ITGAL: variants seen among roughly 807,000 people sequenced by gnomAD.
ITGAL encodes the protein integrin alpha-L.
A neutral mutation model predicts 138.4 loss-of-function variants in ITGAL; 68 were observed. The ratio of observed to expected loss-of-function variants is 0.49; its 90% CI spans 0.40 to 0.60. The LOEUF is 0.60. ITGAL is among the 20% of genes least tolerant of loss of function. The pLI, the probability that ITGAL is intolerant of heterozygous loss-of-function variation, is 0.00. For missense variants in ITGAL, 1,256 were observed against 1,478.6 expected (o/e 0.85, Z 2.47); for synonymous variants, 561 against 584.3 (o/e 0.96, Z 0.57).
At chr16:30,488,027 T>A (rs2050672337) in intron 9 of ITGAL, among the ~76,000 whole-genome samples, 1 of 151,420 alleles carries the variant, frequency 6.6e-6, no homozygotes, top group African/African-American at 2.4e-5. Context: ...CAGTGAAGAG[T>A]TCTTAAGGAG....
intron 17 of ITGAL, among the ~76,000 whole-genome samples, chr16:30,501,270 T>A (rs2050893836): frequency 6.6e-6 from 1 of 152,132 alleles, no homozygotes; most frequent in African/African-American, 2.4e-5. Flanking sequence ...TCATAATTTT[T>A]AATTATGAAA....
intron 28 of ITGAL, among the ~76,000 whole-genome samples, 188 bp downstream of exon 28, chr16:30,518,083 G>A (rs532964952): frequency 6.6e-6 from 1 of 152,260 alleles, no homozygotes; most frequent in Admixed American, 6.5e-5. Context: ...TGTTTCCATG[G>A]GCCTATGGAT....
intron 4 of ITGAL, among the ~76,000 whole-genome samples, chr16:30,478,427 G>C (rs183925343): frequency 6.7e-6 from 1 of 148,302 alleles, no homozygotes; most frequent in Admixed American, 6.7e-5. Context: ...GGCCGGGCGC[G>C]GTGGCTCATG....
intron 11 of ITGAL, among the ~76,000 whole-genome samples, chr16:30,490,592 T>C (rs2050711462): frequency 6.6e-6 from 1 of 152,192 alleles, no homozygotes; most frequent in Admixed American, 6.6e-5. Context: ...CTCTTGGAAC[T>C]GTGGCTAGTA....
chr16:30,508,912 C>G (rs2151169806), intron 21 of ITGAL, among the ~76,000 whole-genome samples: 1 of 151,038 alleles, frequency 6.6e-6, no homozygotes, highest in East Asian at 1.9e-4. Context: ...TGTGGCGGTT[C>G]ACGCCTGTAA....
intron 17 of ITGAL, among the ~76,000 whole-genome samples, chr16:30,499,723 A>ATTTG: frequency 1.2e-5 from 1 of 83,760 alleles, no homozygotes; most frequent in Admixed American, 1.5e-4. Flanking sequence ...GTATATATAT[A>ATTTG]TATATATATA....
intron 9 of ITGAL, among the ~76,000 whole-genome samples, chr16:30,488,076 T>G (rs1441458151): frequency 6.6e-6 from 1 of 151,730 alleles, no homozygotes. Flanking sequence ...ATACCAGTAG[T>G]CCCAGCTACT....
At chr16:30,516,680 C>T (rs2051170816) in intron 25 of ITGAL, among the ~76,000 whole-genome samples, 1 of 152,192 alleles carries the variant, frequency 6.6e-6, no homozygotes, top group Admixed American at 6.5e-5. Context: ...GGAGGGGGAG[C>T]TGCCCTGTCC....
Position 30,496,040 on chromosome 16 carries a change from G to C in ITGAL, c.1504-57G>C, listed in dbSNP as rs1362300013. 2.9e-6 allele frequency: 4 copies of C among 1,370,412 alleles called. No homozygotes were observed. The Admixed American group carries it at 6.7e-5, about 23-fold the overall frequency. 84.9% of individuals were successfully genotyped at this position (1,370,412 alleles called of 1,614,324 possible). A position where few individuals can be genotyped will look rare whatever the true frequency, so the allele number is the denominator to read the frequency against. ...TTTCTTTAGCATTCTTCACTCAGTT[G>C]TTCTGTGACAGCATGCTGAGTGACT... On this transcript the variant is annotated intron_variant, in intron 13 of 30. Coordinates refer to ENST00000356798, the MANE Select transcript of ITGAL (RefSeq NM_002209.3).
chr16:30,518,148 T>C (rs778850586), intron 28 of ITGAL, among the ~76,000 whole-genome samples: 3 of 152,014 alleles, frequency 2.0e-5, no homozygotes, highest in Non-Finnish European at 4.4e-5. Context: ...GGGAGCGACA[T>C]ATTAGGGTGC....
Position 30,475,561 on chromosome 16 carries a change from C to A in ITGAL, c.308C>A (p.Pro103His). 6.2e-7 allele frequency: 1 copy of A among 1,613,712 alleles called. No individual in the cohort carries two copies. The highest frequency in any genetic ancestry group is 1.1e-5 in the South Asian group (1 of 91,078). ...KYLGMTLATDPTDGSILACDP... is the reference protein window; with the variant it reads ...KYLGMTLATDHTDGSILACDP... The stretch of plus-strand genomic sequence containing the variant: ...TTGGGAATGACCTTGGCAACAGACC[C>A]CACAGATGGAAGCATTTTGGTAAGA... The change falls in exon 4 of 31, where the codon CCC becomes CAC. Residue 103 changes from proline (P) to histidine (H), a missense_variant. Coordinates refer to ENST00000356798, the MANE Select transcript of ITGAL (RefSeq NM_002209.3).
chr16:30,495,054 C>T (rs2050780106), intron 13 of ITGAL, among the ~76,000 whole-genome samples: 1 of 152,174 alleles, frequency 6.6e-6, no homozygotes, highest in Non-Finnish European at 1.5e-5. Flanking sequence ...GACAGAGTCT[C>T]GCTCTTATGG....
At chr16:30,489,926 ACT>A (rs2050701057) in intron 11 of ITGAL, among the ~76,000 whole-genome samples, 1 of 146,510 alleles carries the variant, frequency 6.8e-6, no homozygotes, top group African/African-American at 2.6e-5. Context: ...AAAGAGCAAG[ACT>A]CTGTCTCAAC....
chr16:30,499,964 G>A (rs2050869331), intron 17 of ITGAL, among the ~76,000 whole-genome samples: 2 of 149,990 alleles, frequency 1.3e-5, no homozygotes, highest in Admixed American at 1.3e-4. Flanking sequence ...AGTCAGGCTG[G>A]TCTCGAACTC....
chr16:30,482,538 AG>A (rs1291151426), intron 7 of ITGAL, among the ~76,000 whole-genome samples: 2 of 152,078 alleles, frequency 1.3e-5, no homozygotes, highest in African/African-American at 2.4e-5. Context: ...TAGACTGTAG[AG>A]GGGGCAAGGG....
chr16:30,500,450 C>G (rs2050878186), intron 17 of ITGAL, among the ~76,000 whole-genome samples: 1 of 151,978 alleles, frequency 6.6e-6, no homozygotes, highest in Admixed American at 6.6e-5. Flanking sequence ...AACTTCTGGC[C>G]TCAAGAGGTT....
rs1276704073 is a variant in ITGAL, at chr16:30,517,937, C to T, written c.3132+42C>T. 3.2e-6 allele frequency: 5 copies of T among 1,567,814 alleles called. No homozygotes were observed. In the Admixed American group the frequency reaches 5.0e-5, roughly 16 times the overall value. On this transcript the variant is annotated intron_variant, in intron 28 of 30. Coordinates refer to ENST00000356798, the MANE Select transcript of ITGAL (RefSeq NM_002209.3). Reference sequence around the variant, plus strand: ...AGAGATGTGGAGCTGCTGTGGGGGCCCCAATGCCTGGGGCCGTTGTGGGTG... The same window carrying T: ...AGAGATGTGGAGCTGCTGTGGGGGCTCCAATGCCTGGGGCCGTTGTGGGTG...
In ITGAL at chr16:30,500,860, T is replaced by G. The variant is rs35121851; in HGVS notation, c.2145+1371T>G. Among the ~76,000 whole-genome samples the G allele has an allele frequency of 2.6e-3, 393 of 152,240 alleles. 16 individuals carry two copies. The Middle Eastern group carries it at 0.041, about 16-fold the overall frequency. ...TCTCTACTAAAAATACAAAATTAGCTGCGTGTGTTGGCACATGCCTGTGAT... is the reference window on the plus strand; with the variant it reads ...TCTCTACTAAAAATACAAAATTAGCGGCGTGTGTTGGCACATGCCTGTGAT... On this transcript the variant is annotated intron_variant, in intron 17 of 30. Coordinates refer to ENST00000356798, the MANE Select transcript of ITGAL (RefSeq NM_002209.3).
At chr16:30,512,986 C>A (rs1304654822) in intron 24 of ITGAL, among the ~76,000 whole-genome samples, 1 of 152,230 alleles carries the variant, frequency 6.6e-6, no homozygotes, top group Non-Finnish European at 1.5e-5. Context: ...CAGGCGTAAG[C>A]CACCGCGCCT....
Sources: gnomAD v4.1 joint callset for allele counts (sites outside exome capture counted in the v4.1 genomes callset) on GRCh38, gnomAD v4.1.1 for gene constraint, MANE v1.5 for transcripts, NCBI Gene and HGNC (gene_info 2026-07-23, HGNC 2026-07-21) for gene names.